KIAA0513: variants seen among roughly 807,000 people sequenced by gnomAD.
KIAA0513 encodes the protein KIAA0513.
KIAA0513 carries 39 observed loss-of-function variants against 56.5 expected under a neutral mutation model. The observed-to-expected ratio is 0.69, with a 90% CI of 0.53 to 0.90. KIAA0513 has a LOEUF of 0.90. Among genes scored for constraint, KIAA0513 ranks in the 40% least tolerant of loss-of-function variants. The probability of loss-of-function intolerance (pLI) is 0.00; values close to 1 mark genes in which losing one functional copy is unlikely to be tolerated. For missense variants in KIAA0513, 591 were observed against 535.2 expected (o/e 1.10, Z -1.03); for synonymous variants, 268 against 215.6 (o/e 1.24, Z -2.13).
chr16:85,078,643 GT>G (rs1379814989), intron 7 of KIAA0513, among the ~76,000 whole-genome samples, 188 bp downstream of exon 7: 1 of 152,250 alleles, frequency 6.6e-6, no homozygotes, highest in African/African-American at 2.4e-5. Context: ...GGAAGAGCCA[GT>G]TTTCTCAGGA....
chr16:85,083,042 G>T (rs987381757), intron 10 of KIAA0513, among the ~76,000 whole-genome samples: 1 of 152,212 alleles, frequency 6.6e-6, no homozygotes, highest in African/African-American at 2.4e-5. Flanking sequence ...CATCTGGGAA[G>T]CCACGGGTGG....
intron 5 of KIAA0513, among the ~76,000 whole-genome samples, chr16:85,077,209 T>G (rs529590534): frequency 1.6e-4 from 24 of 152,226 alleles, no homozygotes; most frequent in African/African-American, 5.8e-4. Flanking sequence ...GGCTTCTCAG[T>G]GCACAGCAGG....
chr16:85,033,995 G>A (rs367561695), intron 1 of KIAA0513, among the ~76,000 whole-genome samples: 2 of 151,940 alleles, frequency 1.3e-5, no homozygotes, highest in African/African-American at 4.8e-5. Context: ...TCACCCCGTG[G>A]GCCATGCTCG....
chr16:85,085,798 C>G lies in KIAA0513; in HGVS notation c.1011-846C>G, dbSNP rs117246034. Among the ~76,000 whole-genome samples, 100 of 152,352 alleles carry G rather than the reference C, an allele frequency of 6.6e-4. 2 individuals carry two copies. The highest frequency in any genetic ancestry group is 2.9e-4 in the Non-Finnish European group (20 of 68,032). On this transcript the variant is annotated intron_variant, in intron 10 of 12. Transcript: ENST00000683363. ...GCTCAGAACACCCTCCCACTTCAGG[C>G]CTTGTGCGGAGAACGCATCAGGGTC...
chr16:85,037,381 G>C (rs1445413833), intron 1 of KIAA0513, among the ~76,000 whole-genome samples: 1 of 152,074 alleles, frequency 6.6e-6, no homozygotes, highest in Non-Finnish European at 1.5e-5. Context: ...GGTGAACCTA[G>C]GACGCTAGGA....
chr16:85,079,057 C>G, intron 8 of KIAA0513, 54 bp downstream of exon 8: 3 of 1,613,552 alleles, frequency 1.9e-6, no homozygotes, highest in Non-Finnish European at 2.5e-6. Flanking sequence ...GGCCAGCAGT[C>G]ACTCCCCGGG....
At chr16:85,059,925 G>A (rs1435886141) in intron 1 of KIAA0513, among the ~76,000 whole-genome samples, 1 of 152,170 alleles carries the variant, frequency 6.6e-6, no homozygotes, top group Non-Finnish European at 1.5e-5. Context: ...CTAGGGTACA[G>A]ATTCAAATGA....
chr16:85,050,167 C>G (rs766462035), intron 1 of KIAA0513, among the ~76,000 whole-genome samples: 8 of 151,928 alleles, frequency 5.3e-5, no homozygotes, highest in African/African-American at 1.9e-4. Context: ...AAGGGCCCAG[C>G]CCTCGACTCA....
At chr16:85,031,795 T>G (rs2072968261) in intron 1 of KIAA0513, among the ~76,000 whole-genome samples, 1 of 152,200 alleles carries the variant, frequency 6.6e-6, no homozygotes, top group Admixed American at 6.5e-5. Flanking sequence ...TAATGTTCCT[T>G]TTTCCTCTGA....
chr16:85,053,399 G>C (rs2073282346), intron 1 of KIAA0513, among the ~76,000 whole-genome samples: 1 of 152,208 alleles, frequency 6.6e-6, no homozygotes, highest in Non-Finnish European at 1.5e-5. Flanking sequence ...CATTCTGTAA[G>C]TTAACTGTAT....
At chr16:85,038,252 G>A (rs577988386) in intron 1 of KIAA0513, among the ~76,000 whole-genome samples, 26 of 152,320 alleles carry the variant, frequency 1.7e-4, no homozygotes, top group African/African-American at 6.0e-4. Context: ...ACGGCCTCTG[G>A]ATCATAGTGA....
chr16:85,030,471 G>A (rs1285138915), intron 1 of KIAA0513, among the ~76,000 whole-genome samples: 5 of 152,156 alleles, frequency 3.3e-5, no homozygotes, highest in African/African-American at 4.8e-5. Flanking sequence ...GGCTGGGCGC[G>A]GTGGCTGTTG....
At chr16:85,037,704 G>A (rs1301891125) in intron 1 of KIAA0513, among the ~76,000 whole-genome samples, 1 of 152,046 alleles carries the variant, frequency 6.6e-6, no homozygotes, top group Non-Finnish European at 1.5e-5. Context: ...GGCCCAATTT[G>A]GATAATAAAA....
Position 85,049,043 on chromosome 16 carries a change from G to T in KIAA0513, c.-172-17857G>T, listed in dbSNP as rs1380843550. Among the ~76,000 whole-genome samples the T allele has an allele frequency of 2.0e-5, 3 of 152,244 alleles. No individual in the cohort carries two copies. In the South Asian group the frequency reaches 6.2e-4, roughly 31 times the overall value. ...GTTCTTTCTTGAAGACACCAACACC[G>T]AGTGCTTCTGTGAGGTTGCTTTGCA... On this transcript the variant is annotated intron_variant, in intron 1 of 12. Coordinates refer to ENST00000683363, the MANE Select transcript of KIAA0513 (RefSeq NM_001388359.1).
chr16:85,030,221 C>T (rs528653328), intron 1 of KIAA0513, among the ~76,000 whole-genome samples: 29 of 152,214 alleles, frequency 1.9e-4, no homozygotes, highest in Admixed American at 6.5e-4. Context: ...TTGCAAAGAG[C>T]GTCTTTTGCT....
intron 1 of KIAA0513, among the ~76,000 whole-genome samples, chr16:85,051,316 C>T (rs1380073449): frequency 2.0e-5 from 3 of 152,184 alleles, no homozygotes; most frequent in African/African-American, 4.8e-5. Context: ...ATGTTTTCCT[C>T]TTCCCGGAGG....
chr16:85,060,811 T>A (rs1168900502), intron 1 of KIAA0513, among the ~76,000 whole-genome samples: 6 of 150,546 alleles, frequency 4.0e-5, no homozygotes, highest in Non-Finnish European at 8.8e-5. Context: ...ACCACTCTAC[T>A]TCAGCCTGGG....
rs111746946 is a variant in KIAA0513 at position 85,070,001 on chromosome 16, C to CA, written c.330-1771dup. The stretch of plus-strand genomic sequence containing the variant: ...GAAACATAGTGAAACCCCCTCTCTA[C>CA]AAAAAAAAAAACCACAAAAATTAGC... On this transcript the variant is annotated intron_variant, in intron 2 of 12. Coordinates refer to ENST00000683363, the MANE Select transcript of KIAA0513 (RefSeq NM_001388359.1). Among the ~76,000 whole-genome samples, 1,189 of 143,046 alleles carry CA rather than the reference C, an allele frequency of 8.3e-3. 5 individuals carry two copies. Among genetic ancestry groups the CA allele is most frequent in the Admixed American group, 0.011 (152 of 14,464 alleles). 93.8% of individuals were successfully genotyped at this position (143,046 alleles called of 152,430 possible).
intron 2 of KIAA0513, among the ~76,000 whole-genome samples, chr16:85,069,328 G>A (rs150302468): frequency 3.8e-4 from 58 of 151,840 alleles, no homozygotes; most frequent in African/African-American, 1.2e-3. Flanking sequence ...CTCCTGCCAC[G>A]ACTCCCCGAA....
Sources: allele counts gnomAD v4.1 joint callset (sites outside exome capture counted in the v4.1 genomes callset), GRCh38; gene constraint gnomAD v4.1.1; transcripts MANE v1.5; gene names NCBI Gene and HGNC (gene_info 2026-07-23, HGNC 2026-07-21).